Variants in DNAH3 observed in about 807,000 individuals in gnomAD.
DNAH3 encodes dynein axonemal heavy chain 3.
A neutral mutation model predicts 432.5 loss-of-function variants in DNAH3; 332 were observed. The ratio of observed to expected loss-of-function variants is 0.77; its 90% confidence interval spans 0.70 to 0.84. DNAH3 has a LOEUF of 0.84. DNAH3 is among the 40% of genes least tolerant of loss of function. DNAH3 has a pLI of 0.00. For missense variants in DNAH3, 4,861 were observed against 5,114.0 expected, an observed-to-expected ratio of 0.95 and a Z score of 1.51; for synonymous variants, 1,956 against 1,900.2, an observed-to-expected ratio of 1.03 and a Z score of -0.76.
chr16:21,039,937 A>G, exon 33 of DNAH3: 1 of 1,612,674 alleles, frequency 6.2e-7, no homozygotes, highest in Non-Finnish European at 8.5e-7. Flanking sequence ...ACTGTCCGGA[A>G]CAAGGCCTGG....
intron 3 of DNAH3, 126 bp downstream of exon 4, chr16:21,145,055 T>C: frequency 2.5e-6 from 2 of 801,870 alleles, no homozygotes; most frequent in East Asian, 2.7e-5. Flanking sequence ...GAGGTTGCAA[T>C]GAGCCACGAT....
chr16:21,051,707 G>A (rs757936439), exon 29 of DNAH3: 24 of 1,613,364 alleles, frequency 1.5e-5, no homozygotes, highest in African/African-American at 4.0e-5. Context: ...ATCACCAGCC[G>A]GGGGGAGTTT....
intron 38 of DNAH3, among the ~76,000 whole-genome samples, chr16:21,026,189 C>T (rs1322681394): frequency 2.0e-5 from 3 of 151,952 alleles, no homozygotes; most frequent in African/African-American, 4.8e-5. Context: ...CTTGGGCATA[C>T]GGAGATTCAA....
intron 40 of DNAH3, among the ~76,000 whole-genome samples, chr16:21,021,509 G>C (rs170674): frequency 0.52 from 78,490 of 151,882 alleles, 20,545 homozygotes; most frequent in African/African-American, 0.61. Flanking sequence ...CATGGACTTT[G>C]CCTACCAAAC....
chr16:21,008,650 T>C lies in DNAH3; in HGVS notation c.6023-5443A>G, dbSNP rs118175518. On this transcript the variant is annotated intron_variant, in intron 41 of 61. Transcript: ENST00000261383. ...TGATGGAGAGTTTCTCTTAGACCTT[T>C]TGTGCAGCTGCCCAGCCATCATCAT... Among the ~76,000 whole-genome samples, 33 of 152,266 alleles carry C rather than the reference T, an allele frequency of 2.2e-4. No homozygotes were observed. In the East Asian group the frequency reaches 5.2e-3, roughly 24 times the overall value.
At chr16:21,039,041 G>A (rs1757598204) in intron 33 of DNAH3, among the ~76,000 whole-genome samples, 1 of 151,970 alleles carries the variant, frequency 6.6e-6, no homozygotes, top group South Asian at 2.2e-4. Flanking sequence ...TTATATGTAT[G>A]TGTGTATACA....
chr16:20,970,775 T>C (rs568152912), intron 51 of DNAH3, among the ~76,000 whole-genome samples: 2 of 152,172 alleles, frequency 1.3e-5, no homozygotes, highest in Admixed American at 6.5e-5. Flanking sequence ...AAGCAAACCA[T>C]TGCGCTTGTG....
chr16:20,948,076 T>C (rs969946333), intron 57 of DNAH3, among the ~76,000 whole-genome samples: 11 of 152,184 alleles, frequency 7.2e-5, no homozygotes, highest in Admixed American at 3.3e-4. Context: ...GCATCCAACC[T>C]GTAAGCTCTT....
At chr16:21,094,342 T>G (rs540582431) in intron 18 of DNAH3, among the ~76,000 whole-genome samples, 1 of 152,056 alleles carries the variant, frequency 6.6e-6, no homozygotes, top group African/African-American at 2.4e-5. Flanking sequence ...AAAATCATAA[T>G]GAGACATCAC....
At chr16:20,981,232 A>T (rs978138016) in intron 49 of DNAH3, among the ~76,000 whole-genome samples, 5 of 152,210 alleles carry the variant, frequency 3.3e-5, no homozygotes, top group Non-Finnish European at 1.5e-5. Flanking sequence ...AGGAAATGCA[A>T]AGTACCAGTT....
intron 3 of DNAH3, among the ~76,000 whole-genome samples, chr16:21,142,239 C>T (rs919716138): frequency 5.3e-5 from 8 of 151,750 alleles, no homozygotes; most frequent in African/African-American, 7.3e-5. Flanking sequence ...TGGTGGCACA[C>T]GCCTGTAATC....
exon 18 of DNAH3, chr16:21,097,445 G>T (rs2091716174): frequency 6.2e-7 from 1 of 1,613,862 alleles, no homozygotes; most frequent in African/African-American, 1.3e-5. Context: ...ATGGCCTGCA[G>T]AAGAGGGTAA....
chr16:21,084,968 AT>A (rs2091314612), intron 19 of DNAH3, among the ~76,000 whole-genome samples: 1 of 136,112 alleles, frequency 7.3e-6, no homozygotes, highest in Non-Finnish European at 1.6e-5. Context: ...TAACCCCCCC[AT>A]CCCCCCGATG....
intron 44 of DNAH3, among the ~76,000 whole-genome samples, chr16:20,991,241 T>C (rs1432026792): frequency 6.6e-6 from 1 of 152,104 alleles, no homozygotes; most frequent in Middle Eastern, 3.2e-3. Context: ...TGTTTAATTC[T>C]GCCAGTTAAA....
chr16:20,954,286 A>G (rs1167692117), intron 55 of DNAH3, among the ~76,000 whole-genome samples: 1 of 147,382 alleles, frequency 6.8e-6, no homozygotes, highest in African/African-American at 2.5e-5. Flanking sequence ...TAATCTACCT[A>G]TAGACTTTTT....
chr16:21,102,804 G>T (rs2152797510), intron 16 of DNAH3, among the ~76,000 whole-genome samples: 1 of 151,996 alleles, frequency 6.6e-6, no homozygotes, highest in East Asian at 1.9e-4. Flanking sequence ...TATATAGAGT[G>T]GATACTACTC....
At chr16:21,026,318 G>A (rs945195257) in intron 38 of DNAH3, among the ~76,000 whole-genome samples, 1 of 152,094 alleles carries the variant, frequency 6.6e-6, no homozygotes, top group Non-Finnish European at 1.5e-5. Flanking sequence ...ATAATATAAT[G>A]CTAAGCAAAT....
chr16:21,032,720 G>T (rs1033591892), intron 36 of DNAH3, among the ~76,000 whole-genome samples: 1 of 152,102 alleles, frequency 6.6e-6, no homozygotes, highest in Non-Finnish European at 1.5e-5. Context: ...GCCTGAGATA[G>T]GAGGATTGCT....
intron 24 of DNAH3, among the ~76,000 whole-genome samples, chr16:21,066,326 G>A (rs1438833231): frequency 6.6e-6 from 1 of 152,034 alleles, no homozygotes; most frequent in Non-Finnish European, 1.5e-5. Context: ...TAGATTATCA[G>A]GAATGTCAGG....
Sources: allele counts gnomAD v4.1 joint callset (sites outside exome capture counted in the v4.1 genomes callset), GRCh38; gene constraint gnomAD v4.1.1; transcripts MANE v1.5; gene names NCBI Gene and HGNC (gene_info 2026-07-23, HGNC 2026-07-21).